Variants in SETD5 observed in about 807,000 individuals in gnomAD.
The protein encoded by SETD5 is SET domain containing 5, also known as histone-lysine N-methyltransferase SETD5.
Under a neutral mutation model 153.3 loss-of-function variants are expected in SETD5, and 44 were observed. That is an observed-to-expected ratio of 0.29 (90% CI 0.23 to 0.37). The LOEUF (loss-of-function observed/expected upper bound fraction) is 0.37, where lower values mean the gene tolerates loss of function less well. SETD5 is among the 10% of genes least tolerant of loss of function. The pLI is 1.00. For missense variants in SETD5, 1,544 were observed against 1,768.0 expected, an observed-to-expected ratio of 0.87 and a Z score of 2.27; for synonymous variants, 716 against 645.2, an observed-to-expected ratio of 1.11 and a Z score of -1.66.
rs1262203449 is a variant in SETD5, at chr3:9,431,166, G to A, written c.71+2157G>A. The stretch of plus-strand genomic sequence containing the variant: ...CTATATGCAATACGCATTTATTTTT[G>A]TGTGTGTTTGTAGGAAAATTTGTAG... On this transcript the variant is annotated intron_variant, in intron 3 of 22. Transcript: ENST00000402198. The A allele has an allele frequency of 5.1e-6, 5 of 985,266 alleles. No individual in the cohort carries two copies. In the African/African-American group the frequency reaches 7.0e-5, roughly 14 times the overall value. 61.0% of individuals were successfully genotyped at this position (985,266 alleles called of 1,614,324 possible). A position where few individuals can be genotyped will look rare whatever the true frequency, so the allele number is the denominator to read the frequency against.
intron 18 of SETD5, among the ~76,000 whole-genome samples, chr3:9,466,886 A>G (rs2044645852): frequency 6.6e-6 from 1 of 152,078 alleles, no homozygotes; most frequent in African/African-American, 2.4e-5. Context: ...AAACTTAGCC[A>G]GGTGTAGTGG....
In SETD5 at chr3:9,473,255, G is replaced by A; in HGVS notation, c.3215G>A (p.Arg1072Gln). Residue 1072 changes from arginine (R) to glutamine (Q), a missense_variant, in exon 20 of 23, where the codon CGA becomes CAA. By Grantham distance (43) the Arg-to-Gln change is conservative. Around this residue, in one of 9 missense-constraint regions of SETD5, gnomAD observed 2 missense variants for 16.9 expected, o/e 0.12. Transcript: ENST00000402198. ...QRKKVSLLEY[R>Q]KRKQEAKENS... is the part of the protein sequence containing the mutation. The stretch of plus-strand genomic sequence containing the variant: ...TTCTAGGTATCCCTGCTGGAGTACC[G>A]AAAACGGAAACAAGAAGCTAAGGAA... 4 of 1,613,070 alleles carry A rather than the reference G, an allele frequency of 2.5e-6. No homozygotes were observed. The highest frequency in any genetic ancestry group is 1.7e-5 in the Admixed American group (1 of 59,990).
intron 1 of SETD5, among the ~76,000 whole-genome samples, chr3:9,407,680 A>G (rs1196707945): frequency 6.6e-6 from 1 of 152,158 alleles, no homozygotes; most frequent in Non-Finnish European, 1.5e-5. Context: ...GATTATGTCA[A>G]ATATCTCTTG....
Position 9,451,049 on chromosome 3 carries a change from C to G in SETD5, c.2346+2419C>G, listed in dbSNP as rs563166296. ...TTTAAAAACATTTATAAGTGGCCAA[C>G]AAGGCTCTCAGTAGTGTTTCACCTT... On this transcript the variant is annotated intron_variant, in intron 16 of 22. Transcript: ENST00000402198. 4.6e-5 allele frequency among the ~76,000 whole-genome samples: 7 copies of G among 152,278 alleles called. 1 individual carries two copies. The highest frequency in any genetic ancestry group is 1.9e-4 in the East Asian group (1 of 5,178).
intron 7 of SETD5, among the ~76,000 whole-genome samples, chr3:9,439,169 C>T (rs1450522447): frequency 1.3e-5 from 2 of 152,188 alleles, no homozygotes; most frequent in Non-Finnish European, 2.9e-5. Context: ...TATTCTTTTG[C>T]GCAACTGCTA....
rs2045951855 is a variant in SETD5 at position 9,478,051 on chromosome 3, C to T, written c.*1960C>T. On this transcript the variant is annotated 3_prime_UTR_variant, in exon 23 of 23. Transcript: ENST00000402198. ...GGAAGGGAAGAAGTATCACTTCTTT[C>T]TCAAGTGGAGTGTTTACACCTTGCT... 6.5e-6 allele frequency: 1 copy of T among 152,848 alleles called. No homozygotes were observed. Among genetic ancestry groups the T allele is most frequent in the African/African-American group, 2.4e-5 (1 of 41,414 alleles). 9.5% of individuals were successfully genotyped at this position (152,848 alleles called of 1,614,324 possible).
At chr3:9,448,298 C>T (rs760027965) in intron 15 of SETD5, 90 bp from the exon 16 acceptor site, 10 of 1,513,782 alleles carry the variant, frequency 6.6e-6, no homozygotes, top group Non-Finnish European at 8.8e-6. Context: ...GCTGCATCTC[C>T]TCCTGTCCTA....
chr3:9,415,586 A>T (rs144873039), intron 1 of SETD5, among the ~76,000 whole-genome samples: 46 of 151,984 alleles, frequency 3.0e-4, no homozygotes, highest in East Asian at 2.3e-3. Context: ...TATTATTATT[A>T]TTTTTTTAAT....
intron 1 of SETD5, among the ~76,000 whole-genome samples, chr3:9,419,516 T>C (rs1263769495): frequency 6.6e-6 from 1 of 152,090 alleles, no homozygotes; most frequent in Non-Finnish European, 1.5e-5. Context: ...CGGTGAGCTG[T>C]GATTGCACCA....
In SETD5 at chr3:9,447,080, A is replaced by G. The variant is rs1402873911; in HGVS notation, c.1555A>G (p.Met519Val). The change falls in exon 14 of 23, where the codon ATG becomes GTG. Residue 519 changes from methionine (M) to valine (V), a missense_variant. Transcript: ENST00000402198. ...GGAAGATAGAAAGGTAGAAGCCATC[A>G]TGCATGCTTTTGAAAACTTAGAGAA... ...TREDRKVEAI[M>V]HAFENLEKRK... 1.2e-6 allele frequency: 2 copies of G among 1,612,966 alleles called. No homozygotes were observed. Among genetic ancestry groups the G allele is most frequent in the Non-Finnish European group, 1.7e-6 (2 of 1,179,220 alleles).
intron 17 of SETD5, among the ~76,000 whole-genome samples, chr3:9,459,873 A>G (rs1471321429): frequency 6.6e-6 from 1 of 152,154 alleles, no homozygotes; most frequent in Non-Finnish European, 1.5e-5. Context: ...ACTTTTATCA[A>G]TTTAATGATA....
chr3:9,413,649 GGTGTGTGTGTGT>G (rs1160123997), intron 1 of SETD5, among the ~76,000 whole-genome samples: 66 of 140,462 alleles, frequency 4.7e-4, no homozygotes, highest in East Asian at 3.1e-3. Flanking sequence ...GGGGAGGCGG[GGTGTGTGTGTGT>G]GTGTGTGTGT....
At chr3:9,415,523 G>T (rs188128599) in intron 1 of SETD5, among the ~76,000 whole-genome samples, 40 of 152,212 alleles carry the variant, frequency 2.6e-4, no homozygotes, top group Admixed American at 2.3e-3. Flanking sequence ...TAACCTACTA[G>T]ACATATATTA....
In SETD5 at chr3:9,475,152, A is replaced by G; in HGVS notation, c.3716A>G (p.Tyr1239Cys). The G allele has an allele frequency of 6.3e-7, 1 of 1,578,506 alleles. No homozygotes were observed. Among genetic ancestry groups the G allele is most frequent in the Non-Finnish European group, 8.6e-7 (1 of 1,162,154 alleles). ...GTTTACAGCCCTTCCAGATACAGCT[A>G]CCAGGTGAGATGAGAAATTGCTGGT... ...ATVYSPSRYS[Y>C]QLLQCDSPRT... The change falls in exon 22 of 23, where the codon TAC becomes TGC. Residue 1239 changes from tyrosine (Y) to cysteine (C), a missense_variant. By Grantham distance (194) the Tyr-to-Cys change is radical. This residue lies in a region of SETD5 where 302 missense variants were observed against 277.6 expected (regional missense o/e 1.09). Coordinates refer to ENST00000402198, the MANE Select transcript of SETD5 (RefSeq NM_001080517.3).
intron 13 of SETD5, among the ~76,000 whole-genome samples, chr3:9,446,431 A>G (rs1269914960): frequency 2.0e-5 from 3 of 151,534 alleles, no homozygotes; most frequent in Non-Finnish European, 4.4e-5. Flanking sequence ...AGTCATATGA[A>G]CTAAAATTTT....
intron 22 of SETD5, 37 bp downstream of exon 22, chr3:9,475,193 T>C: frequency 6.5e-7 from 1 of 1,541,496 alleles, no homozygotes; most frequent in South Asian, 1.2e-5. Flanking sequence ...GCCATAGGAG[T>C]GTGTTCTGGG....
At chr3:9,425,059 T>TG (rs1559380297) in intron 2 of SETD5, among the ~76,000 whole-genome samples, 10 of 139,952 alleles carry the variant, frequency 7.1e-5, no homozygotes, top group African/African-American at 2.9e-4. Context: ...ATGTTTCTTT[T>TG]TTTTTTTTTT....
At chr3:9,433,325 A>G (rs542000756) in intron 3 of SETD5, 1 of 1,226,572 alleles carries the variant, frequency 8.2e-7, no homozygotes, top group East Asian at 5.7e-5. Context: ...GATGAGAGGT[A>G]TGATAAATAT....
Position 9,433,939 on chromosome 3 carries a change from C to T in SETD5, c.166C>T (p.Leu56=), listed in dbSNP as rs1391395716. 1 of 1,613,792 alleles carries T rather than the reference C, an allele frequency of 6.2e-7. No individual in the cohort carries two copies. Among genetic ancestry groups the T allele is most frequent in the African/African-American group, 1.3e-5 (1 of 74,912 alleles). ...CACTCAGAGGCATGGGTGTCGAGGA[C>T]TGCCTTATGCTGTGAGTATGCATTT... The part of the protein sequence containing the change: ...GTTQRHGCRG[L]PYATIIPRSD... Residue 56 remains leucine (L), a synonymous_variant, in exon 4 of 23, where the codon CTG becomes TTG. Transcript: ENST00000402198.
Sources: allele counts gnomAD v4.1 joint callset (sites outside exome capture counted in the v4.1 genomes callset), GRCh38; gene constraint gnomAD v4.1.1; regional missense constraint gnomAD v4.1.1; transcripts MANE v1.5; gene names NCBI Gene and HGNC (gene_info 2026-07-23, HGNC 2026-07-21).